USP43: variants seen among roughly 807,000 people sequenced by gnomAD.
USP43 encodes the protein ubiquitin specific peptidase 43.
Under a neutral mutation model 90.7 loss-of-function variants are expected in USP43, and 33 were observed. The ratio of observed to expected loss-of-function variants is 0.36; its 90% confidence interval spans 0.28 to 0.49. The LOEUF is 0.49. Ranked by LOEUF, USP43 falls within the 20% of genes least tolerant of loss-of-function variation. USP43 has a pLI of 0.98. For synonymous variants in USP43, 598 were observed against 615.8 expected (o/e 0.97, Z 0.43); for missense variants, 1,274 against 1,476.4 (o/e 0.86, Z 2.25).
rs1317641818 is a variant in USP43 at position 9,681,205 on chromosome 17, A to C, written c.1105+839A>C. On this transcript the variant is annotated intron_variant, in intron 6 of 14. Coordinates refer to ENST00000285199, the MANE Select transcript of USP43 (RefSeq NM_153210.5). ...ATATACTATATAATATATACTATAT[A>C]ATATATACATTATATAGAATATATT... Among the ~76,000 whole-genome samples, 3 of 61,548 alleles carry C rather than the reference A, an allele frequency of 4.9e-5. 1 individual carries two copies. Among genetic ancestry groups the C allele is most frequent in the Non-Finnish European group, 7.8e-5 (3 of 38,268 alleles). 40.4% of individuals were successfully genotyped at this position (61,548 alleles called of 152,430 possible). A position where few individuals can be genotyped will look rare whatever the true frequency, so the allele number is the denominator to read the frequency against.
At chr17:9,715,836 T>C (rs1173983171) in intron 14 of USP43, among the ~76,000 whole-genome samples, 1 of 151,824 alleles carries the variant, frequency 6.6e-6, no homozygotes, top group Non-Finnish European at 1.5e-5. Context: ...TCTATGTGTA[T>C]GTATCTGTGT....
At chr17:9,648,145 C>T (rs1376931671) in intron 1 of USP43, among the ~76,000 whole-genome samples, 2 of 152,230 alleles carry the variant, frequency 1.3e-5, no homozygotes, top group African/African-American at 2.4e-5. Context: ...CAGTAAGCCT[C>T]AGGGAATTGA....
chr17:9,650,354 A>G (rs1005292930), intron 1 of USP43, among the ~76,000 whole-genome samples: 2 of 152,206 alleles, frequency 1.3e-5, no homozygotes, highest in Non-Finnish European at 2.9e-5. Context: ...GTTTTAACAA[A>G]TGTGTGAACC....
At chr17:9,713,099 CT>C (rs371335420) in intron 14 of USP43, among the ~76,000 whole-genome samples, 74 of 151,244 alleles carry the variant, frequency 4.9e-4, no homozygotes, top group African/African-American at 1.5e-3. Flanking sequence ...TATATTTGTA[CT>C]TTTTTTTTGA....
intron 3 of USP43, among the ~76,000 whole-genome samples, chr17:9,671,279 AGTGT>A (rs61191393): frequency 2.7e-5 from 4 of 149,580 alleles, no homozygotes; most frequent in African/African-American, 4.9e-5. Flanking sequence ...TGGAGGAGGG[AGTGT>A]GTGTGTGTGT....
chr17:9,664,462 C>T (rs1239353724), intron 2 of USP43, among the ~76,000 whole-genome samples: 3 of 152,150 alleles, frequency 2.0e-5, no homozygotes, highest in Non-Finnish European at 4.4e-5. Flanking sequence ...CACCTCACTG[C>T]CTGCCTGTTC....
intron 5 of USP43, among the ~76,000 whole-genome samples, chr17:9,679,309 C>A (rs978619137): frequency 1.3e-5 from 2 of 151,862 alleles, no homozygotes; most frequent in Non-Finnish European, 2.9e-5. Flanking sequence ...TCAAGGGATC[C>A]TCCCACCTCA....
At position 9,676,594 on chromosome 17, in the gene USP43, A is replaced by T. The variant is rs563894498; in HGVS notation, c.834-152A>T. Among the ~76,000 whole-genome samples the T allele has an allele frequency of 5.3e-5, 8 of 151,946 alleles. No homozygotes were observed. In the South Asian group the frequency reaches 1.7e-3, roughly 32 times the overall value. On this transcript the variant is annotated intron_variant, in intron 4 of 14. Transcript: ENST00000285199. ...ACCATGCTGGCCAGGCTAGTCTCGAACTCTTGACCGCAGGTGATCCACCTG... is the reference window on the plus strand; with the variant it reads ...ACCATGCTGGCCAGGCTAGTCTCGATCTCTTGACCGCAGGTGATCCACCTG...
At chr17:9,702,930 G>T (rs1030928409) in intron 12 of USP43, among the ~76,000 whole-genome samples, 1 of 152,214 alleles carries the variant, frequency 6.6e-6, no homozygotes, top group Admixed American at 6.5e-5. Flanking sequence ...AGCCTAGGCT[G>T]GTCATGGTGA....
At chr17:9,721,755 C>T (rs1046542393) in intron 14 of USP43, among the ~76,000 whole-genome samples, 1 of 141,046 alleles carries the variant, frequency 7.1e-6, no homozygotes, top group Non-Finnish European at 1.5e-5. Flanking sequence ...CCGAGTTTCG[C>T]TCTTGTTGCC....
chr17:9,650,978 C>T (rs780129607), intron 1 of USP43, among the ~76,000 whole-genome samples: 2 of 152,114 alleles, frequency 1.3e-5, no homozygotes, highest in African/African-American at 4.8e-5. Context: ...ATCCTTCACC[C>T]GTCTCCTACC....
intron 14 of USP43, among the ~76,000 whole-genome samples, chr17:9,718,824 GAGC>G (rs1916760950): frequency 6.6e-6 from 1 of 151,820 alleles, no homozygotes; most frequent in African/African-American, 2.4e-5. Context: ...TGGGCAACAA[GAGC>G]AAAACTCCGT....
chr17:9,715,044 C>CAA (rs1567681067), intron 14 of USP43, among the ~76,000 whole-genome samples: 1 of 151,986 alleles, frequency 6.6e-6, no homozygotes, highest in Non-Finnish European at 1.5e-5. Context: ...CTCCAGCAGG[C>CAA]GAGGTGACTG....
At position 9,645,599 on chromosome 17, in the gene USP43, G is replaced by T. The variant is rs1266147865; in HGVS notation, c.-34G>T. 2.7e-5 allele frequency: 32 copies of T among 1,183,624 alleles called. No homozygotes were observed. The highest frequency in any genetic ancestry group is 3.2e-5 in the Non-Finnish European group (31 of 957,554). The allele number at this position is 1,183,624 out of a possible 1,614,324, so 73.3% of individuals were successfully genotyped here. The stretch of plus-strand genomic sequence containing the variant: ...GGCCGCTCGTCCGCCTCGCGCCCGG[G>T]GGCTCCGCGCCTGGAGCTGCGCCGG... On this transcript the variant is annotated 5_prime_UTR_variant, in exon 1 of 15. Transcript: ENST00000285199. The surrounding 1 kb of genome is among the most constrained non-coding windows in gnomAD (Gnocchi z 6.8).
rs1384056066 is a variant in USP43 at position 9,701,817 on chromosome 17, T to C, written c.2011+117T>C. ...GGGGCACTTATTGAGATCCGACCCCTCACCCACCGCACACCAGGAAGATGA... is the reference window on the plus strand; with the variant it reads ...GGGGCACTTATTGAGATCCGACCCCCCACCCACCGCACACCAGGAAGATGA... On this transcript the variant is annotated intron_variant, in intron 12 of 14. Coordinates refer to ENST00000285199, the MANE Select transcript of USP43 (RefSeq NM_153210.5). This position sits in a 1 kb window ranked among gnomAD's most constrained non-coding sequence, Gnocchi z 7.2. 1.2e-6 allele frequency: 1 copy of C among 846,360 alleles called. No individual in the cohort carries two copies. The highest frequency in any genetic ancestry group is 1.8e-6 in the Non-Finnish European group (1 of 568,988). The allele number at this position is 846,360 out of a possible 1,614,324, so 52.4% of individuals were successfully genotyped here.
intron 12 of USP43, among the ~76,000 whole-genome samples, chr17:9,707,049 A>G (rs1915925340): frequency 6.6e-6 from 1 of 152,184 alleles, no homozygotes; most frequent in South Asian, 2.1e-4. Context: ...AAATGCTATC[A>G]TACCATAGAT....
chr17:9,717,274 T>C (rs1462340980), intron 14 of USP43, among the ~76,000 whole-genome samples: 1 of 152,136 alleles, frequency 6.6e-6, no homozygotes, highest in Non-Finnish European at 1.5e-5. Flanking sequence ...AGTAGTCCTG[T>C]TATGAACATT....
intron 8 of USP43, among the ~76,000 whole-genome samples, chr17:9,690,717 T>G (rs929619133): frequency 6.6e-6 from 1 of 152,098 alleles, no homozygotes; most frequent in African/African-American, 2.4e-5. Flanking sequence ...AAACCCCATC[T>G]TTACTAAAAA....
intron 8 of USP43, among the ~76,000 whole-genome samples, chr17:9,690,506 T>C (rs939491115): frequency 6.6e-6 from 1 of 152,230 alleles, no homozygotes; most frequent in African/African-American, 2.4e-5. Flanking sequence ...CCATCACTAC[T>C]ATGTATACTC....
Sources: allele counts gnomAD v4.1 joint callset (sites outside exome capture counted in the v4.1 genomes callset), GRCh38; gene constraint gnomAD v4.1.1; non-coding constraint Gnocchi (gnomAD v3.1); transcripts MANE v1.5; gene names NCBI Gene and HGNC (gene_info 2026-07-23, HGNC 2026-07-21).